Variants in DIP2C observed in about 807,000 individuals in gnomAD.
The protein encoded by DIP2C is DIP2 acetate--CoA ligase C (putative), also known as disco-interacting protein 2 homolog C.
In DIP2C, 33 loss-of-function variants were observed where a neutral mutation model predicts 192.4. That is an observed-to-expected ratio of 0.17 (90% CI 0.13 to 0.23). The LOEUF is 0.23. Among genes scored for constraint, DIP2C ranks in the 10% least tolerant of loss-of-function variants. The pLI is 1.00. For missense variants in DIP2C, 1,537 were observed against 2,110.1 expected, an observed-to-expected ratio of 0.73 and a Z score of 5.32; for synonymous variants, 979 against 864.1, an observed-to-expected ratio of 1.13 and a Z score of -2.33.
At chr10:427,092 G>C (rs941894740) in intron 4 of DIP2C, among the ~76,000 whole-genome samples, 3 of 152,152 alleles carry the variant, frequency 2.0e-5, no homozygotes, top group Non-Finnish European at 4.4e-5. Context: ...AACAACACAC[G>C]TATCTATTAT....
At chr10:631,330 G>A (rs574616820) in intron 1 of DIP2C, 46 of 152,316 alleles carry the variant, frequency 3.0e-4, no homozygotes, top group African/African-American at 9.9e-4. Flanking sequence ...CTGTAGCAGC[G>A]GATTCTGGTG....
At chr10:601,226 A>T (rs550702229) in intron 1 of DIP2C, among the ~76,000 whole-genome samples, 86 of 152,310 alleles carry the variant, frequency 5.6e-4, no homozygotes, top group African/African-American at 2.0e-3. Context: ...ATACAGATAA[A>T]CTCATTACCA....
chr10:338,113 A>C (rs1957957833), intron 29 of DIP2C, among the ~76,000 whole-genome samples: 1 of 152,226 alleles, frequency 6.6e-6, no homozygotes, highest in South Asian at 2.1e-4. Flanking sequence ...AAAGGAGATA[A>C]ATTATTTTTG....
chr10:567,274 T>C (rs816624), intron 1 of DIP2C, among the ~76,000 whole-genome samples: 44,475 of 151,996 alleles, frequency 0.29, 10,799 homozygotes, highest in African/African-American at 0.67. Flanking sequence ...CTGCAACCTC[T>C]ACCTCCCAGA....
At chr10:578,524 C>G (rs7921637) in intron 1 of DIP2C, among the ~76,000 whole-genome samples, 8 of 152,332 alleles carry the variant, frequency 5.3e-5, no homozygotes, top group African/African-American at 1.9e-4. Flanking sequence ...GGAACACACA[C>G]ATCAAGGAAG....
chr10:434,753 G>A (rs982631378), intron 4 of DIP2C, among the ~76,000 whole-genome samples: 1 of 152,104 alleles, frequency 6.6e-6, no homozygotes, highest in African/African-American at 2.4e-5. Flanking sequence ...AGACTTCTAG[G>A]TTAATGGCAT....
At chr10:336,937 T>A (rs1459770089) in intron 29 of DIP2C, among the ~76,000 whole-genome samples, 47 of 36,960 alleles carry the variant, frequency 1.3e-3, no homozygotes, top group Non-Finnish European at 2.9e-3. Flanking sequence ...AGGCCTAGAC[T>A]GGTGTGTGCG....
chr10:510,424 G>A (rs1382445394), intron 1 of DIP2C, among the ~76,000 whole-genome samples: 1 of 152,208 alleles, frequency 6.6e-6, no homozygotes. Context: ...GAACGTGCAC[G>A]TACATGCTCA....
intron 31 of DIP2C, among the ~76,000 whole-genome samples, chr10:316,806 C>CCA (rs1438326759): frequency 2.0e-5 from 3 of 152,288 alleles, no homozygotes; most frequent in Admixed American, 6.5e-5. Flanking sequence ...TAACATACTG[C>CCA]CATTTATGTT....
chr10:566,617 C>A (rs1054746099), intron 1 of DIP2C, among the ~76,000 whole-genome samples: 3 of 152,260 alleles, frequency 2.0e-5, no homozygotes, highest in Non-Finnish European at 4.4e-5. Flanking sequence ...CCATGAGCCC[C>A]AGCACACAGA....
chr10:579,879 A>G (rs1293746040), intron 1 of DIP2C, among the ~76,000 whole-genome samples: 1 of 151,772 alleles, frequency 6.6e-6, no homozygotes, highest in Non-Finnish European at 1.5e-5. Context: ...ACTATAACAC[A>G]TGTACATGCA....
At position 586,912 on chromosome 10, in the gene DIP2C, C is replaced by T. The variant is rs539225404; in HGVS notation, c.86-100382G>A. Among the ~76,000 whole-genome samples, 9 of 152,346 alleles carry T rather than the reference C, an allele frequency of 5.9e-5. No homozygotes were observed. The South Asian group carries it at 8.3e-4, about 14-fold the overall frequency. ...CAGCATGAGTTCTAAGGCCAGACCA[C>T]GTGGGTCCCCACTGACAGCATGGGG... On this transcript the variant is annotated intron_variant, in intron 1 of 36. Coordinates refer to ENST00000280886, the MANE Select transcript of DIP2C (RefSeq NM_014974.3).
chr10:572,123 G>C, intron 1 of DIP2C, among the ~76,000 whole-genome samples: 1 of 152,204 alleles, frequency 6.6e-6, no homozygotes, highest in Non-Finnish European at 1.5e-5. Flanking sequence ...TATCCTAGTG[G>C]TAACAGGAGA....
In DIP2C at chr10:330,294, T is replaced by G. The variant is rs1589500819; in HGVS notation, c.3585-693A>C. ...AGAAGAAATAGAGAAAAATAACGAT[T>G]CTTTAATTTTACCTTCATACTAGAG... On this transcript the variant is annotated intron_variant, in intron 29 of 36. Transcript: ENST00000280886. Among the ~76,000 whole-genome samples the G allele has an allele frequency of 1.3e-5, 2 of 152,158 alleles. 1 individual carries two copies. The highest frequency in any genetic ancestry group is 3.8e-4 in the East Asian group (2 of 5,198).
chr10:309,863 T>A (rs1000241930), intron 32 of DIP2C, among the ~76,000 whole-genome samples, 168 bp downstream of exon 32: 1 of 152,104 alleles, frequency 6.6e-6, no homozygotes, highest in African/African-American at 2.4e-5. Flanking sequence ...AGTTTTCAAT[T>A]GCAAAGTTCA....
At chr10:501,088 G>A (rs1845192819) in intron 1 of DIP2C, among the ~76,000 whole-genome samples, 1 of 152,282 alleles carries the variant, frequency 6.6e-6, no homozygotes, top group South Asian at 2.1e-4. Flanking sequence ...TGAGCTGCGG[G>A]CAACCCTCCA....
At chr10:409,158 G>A (rs1965014036) in intron 8 of DIP2C, 141 bp from the exon 9 acceptor site, 2 of 695,118 alleles carry the variant, frequency 2.9e-6, no homozygotes. Flanking sequence ...GGGCAGCTGA[G>A]CAAAGGGGGA....
chr10:544,620 ACCCAT>A (rs1020283768), intron 1 of DIP2C, among the ~76,000 whole-genome samples: 5 of 151,802 alleles, frequency 3.3e-5, no homozygotes, highest in African/African-American at 1.2e-4. Flanking sequence ...CTGGGGTTTT[ACCCAT>A]CCCAGTGGTT....
chr10:578,857 A>C (rs991553895), intron 1 of DIP2C, among the ~76,000 whole-genome samples: 6 of 152,230 alleles, frequency 3.9e-5, no homozygotes, highest in Non-Finnish European at 8.8e-5. Context: ...GTACGTACAT[A>C]GGTACACTAA....
Sources: gnomAD v4.1 joint callset for allele counts (sites outside exome capture counted in the v4.1 genomes callset) on GRCh38, gnomAD v4.1.1 for gene constraint, MANE v1.5 for transcripts, NCBI Gene and HGNC (gene_info 2026-07-23, HGNC 2026-07-21) for gene names.